The following ADAMTS20 variants were observed in gnomAD, a reference collection of about 807,000 sequenced individuals.
The protein encoded by ADAMTS20 is A disintegrin and metalloproteinase with thrombospondin motifs 20.
ADAMTS20 carries 225 observed loss-of-function variants against 260.1 expected under a neutral mutation model. The observed-to-expected ratio is 0.87, with a 90% CI of 0.78 to 0.97. The LOEUF (loss-of-function observed/expected upper bound fraction) is 0.97, where lower values mean the gene tolerates loss of function less well. Among genes scored for constraint, ADAMTS20 ranks in the 50% least tolerant of loss-of-function variants. ADAMTS20 has a pLI of 0.00. For synonymous variants in ADAMTS20, 802 were observed against 769.5 expected (o/e 1.04, Z -0.70); for missense variants, 2,400 against 2,337.7 (o/e 1.03, Z -0.55).
intron 28 of ADAMTS20, among the ~76,000 whole-genome samples, chr12:43,420,817 T>TTTTTTTTTG: frequency 7.7e-6 from 1 of 130,280 alleles, no homozygotes; most frequent in Non-Finnish European, 1.6e-5. Flanking sequence ...TTTTTTTTTT[T>TTTTTTTTTG]TTTTTTTTGA....
At chr12:43,359,073 A>G (rs1315718552) in intron 37 of ADAMTS20, among the ~76,000 whole-genome samples, 1 of 152,112 alleles carries the variant, frequency 6.6e-6, no homozygotes, top group Non-Finnish European at 1.5e-5. Context: ...CCATACATGC[A>G]TATGTAGTAT....
chr12:43,373,869 C>CG (rs1940163014), intron 36 of ADAMTS20, among the ~76,000 whole-genome samples: 1 of 151,054 alleles, frequency 6.6e-6, no homozygotes, highest in Admixed American at 6.6e-5. Flanking sequence ...TTAGTAGAGA[C>CG]GGGGTTTCAC....
Position 43,427,399 on chromosome 12 carries a change from GCACTTTGT to G in ADAMTS20, c.4008_4015del (p.Gln1337Ter), listed in dbSNP as rs1448461711. 12 of 1,613,762 alleles carry G rather than the reference GCACTTTGT, an allele frequency of 7.4e-6. No homozygotes were observed. Among genetic ancestry groups the G allele is most frequent in the African/African-American group, 2.7e-5 (2 of 74,906 alleles). On this transcript the variant is annotated frameshift_variant, in exon 27 of 39. Transcript: ENST00000389420. LOFTEE classifies it high-confidence loss of function. ...CTTGGAGGCTGCATCGCAGTAACTA[GCACTTTGT>G]CCATTTTCATCCTGGCAGACCACAG... is the stretch of plus-strand genomic sequence containing the variant.
Position 43,428,346 on chromosome 12 carries a change from A to G in ADAMTS20, c.3840T>C (p.Tyr1280=). Reference sequence around the variant, plus strand: ...GAGTTAATGGCAAATTCGTGCTTAGATAATAGCTTGGCTGCACAGGGGAAC... The same window carrying G: ...GAGTTAATGGCAAATTCGTGCTTAGGTAATAGCTTGGCTGCACAGGGGAAC... The part of the protein sequence containing the change: ...FPSSPVQPSY[Y]LSTNLPLTQK... Residue 1280 remains tyrosine (Y), a synonymous_variant, in exon 26 of 39, where the codon TAT becomes TAC. Coordinates refer to ENST00000389420, the MANE Select transcript of ADAMTS20 (RefSeq NM_025003.5). 3 of 1,613,952 alleles carry G rather than the reference A, an allele frequency of 1.9e-6. No individual in the cohort carries two copies. Among genetic ancestry groups the G allele is most frequent in the Non-Finnish European group, 2.5e-6 (3 of 1,179,882 alleles).
At chr12:43,440,106 C>G in intron 16 of ADAMTS20, 37 bp from the exon 17 acceptor site, 2 of 1,248,920 alleles carry the variant, frequency 1.6e-6, no homozygotes, top group Non-Finnish European at 2.2e-6. Context: ...GAAATAGTAA[C>G]ACCAATCAAC....
Position 43,466,662 on chromosome 12 carries a change from C to G in ADAMTS20, c.1357G>C (p.Glu453Gln), listed in dbSNP as rs145822482. Residue 453 changes from glutamate to glutamine, a missense_variant, in exon 9 of 39, where the codon GAA (glutamate) becomes CAA (glutamine). Coordinates refer to ENST00000389420, the MANE Select transcript of ADAMTS20 (RefSeq NM_025003.5). ...CATAAATTTACTTACTCTAGGAATT[C>G]AGTAACATATTTCCGACTACAGTTT... ...WSNCSRKYVT[E>Q]FLDTGYGECL... 2.5e-5 allele frequency: 40 copies of G among 1,606,652 alleles called. No individual in the cohort carries two copies. Among genetic ancestry groups the G allele is most frequent in the Non-Finnish European group, 2.8e-5 (33 of 1,177,208 alleles).
chr12:43,408,137 G>A (rs1032506130), intron 28 of ADAMTS20, among the ~76,000 whole-genome samples: 5 of 152,068 alleles, frequency 3.3e-5, no homozygotes, highest in African/African-American at 7.2e-5. Flanking sequence ...CCATTATTGT[G>A]AATTTACTTT....
intron 4 of ADAMTS20, among the ~76,000 whole-genome samples, chr12:43,494,578 T>A (rs918002490): frequency 6.6e-6 from 1 of 152,246 alleles, no homozygotes. Context: ...GTGATGACTT[T>A]GGCTCTGGTG....
intron 37 of ADAMTS20, among the ~76,000 whole-genome samples, chr12:43,357,750 G>A (rs919242682): frequency 6.6e-6 from 1 of 152,006 alleles, no homozygotes; most frequent in Non-Finnish European, 1.5e-5. Flanking sequence ...CCCAGAACAG[G>A]GCCTAAGTTC....
chr12:43,501,122 G>A (rs1345868023), intron 4 of ADAMTS20, among the ~76,000 whole-genome samples: 2 of 131,492 alleles, frequency 1.5e-5, no homozygotes, highest in African/African-American at 5.7e-5. Flanking sequence ...GCAATGGCAC[G>A]ATCTCGGCTC....
chr12:43,512,282 G>T (rs1012598657), intron 3 of ADAMTS20, among the ~76,000 whole-genome samples: 4 of 148,790 alleles, frequency 2.7e-5, no homozygotes, highest in Non-Finnish European at 4.5e-5. Flanking sequence ...ACTGCCTATT[G>T]TAATATAACT....
intron 7 of ADAMTS20, among the ~76,000 whole-genome samples, chr12:43,474,169 C>T (rs1942312150): frequency 6.8e-6 from 1 of 146,788 alleles, no homozygotes; most frequent in South Asian, 2.2e-4. Context: ...CACCACTGAT[C>T]CCACAGAAAT....
At chr12:43,470,655 C>T (rs1291388595) in intron 7 of ADAMTS20, among the ~76,000 whole-genome samples, 1 of 152,144 alleles carries the variant, frequency 6.6e-6, no homozygotes, top group Non-Finnish European at 1.5e-5. Flanking sequence ...ATACAGCCAC[C>T]CAATCTAGCC....
intron 16 of ADAMTS20, among the ~76,000 whole-genome samples, chr12:43,441,909 T>C (rs1172205700): frequency 6.6e-6 from 1 of 152,192 alleles, no homozygotes; most frequent in African/African-American, 2.4e-5. Flanking sequence ...CTAGTATAAC[T>C]GTCTTTATGT....
intron 6 of ADAMTS20, among the ~76,000 whole-genome samples, chr12:43,491,899 T>A (rs983868322): frequency 2.0e-5 from 3 of 152,298 alleles, no homozygotes; most frequent in Non-Finnish European, 4.4e-5. Flanking sequence ...ATTCTCTCAT[T>A]CTGTCACTAA....
chr12:43,453,844 C>T (rs1454828165), intron 12 of ADAMTS20, 63 bp downstream of exon 12: 1 of 1,535,920 alleles, frequency 6.5e-7, no homozygotes, highest in Non-Finnish European at 8.8e-7. Flanking sequence ...GTGAGTGAAA[C>T]TGATGTTTAC....
At chr12:43,515,186 A>C (rs910510140) in intron 3 of ADAMTS20, among the ~76,000 whole-genome samples, 4 of 152,240 alleles carry the variant, frequency 2.6e-5, no homozygotes, top group African/African-American at 9.6e-5. Flanking sequence ...AGATAATTTT[A>C]AGTACTAAGA....
rs1369669082 is a variant in ADAMTS20 at position 43,440,035 on chromosome 12, A to G, written c.2325T>C (p.Asn775=). The G allele has an allele frequency of 1.3e-6, 2 of 1,562,728 alleles. No homozygotes were observed. The highest frequency in any genetic ancestry group is 3.8e-5 in the Admixed American group (2 of 52,118). Residue 775 remains asparagine, a synonymous_variant, in exon 17 of 39, where the codon AAT becomes AAC. Coordinates refer to ENST00000389420, the MANE Select transcript of ADAMTS20 (RefSeq NM_025003.5). Reference sequence around the variant, plus strand: ...TTGACGTACTTAGAAGAAAATTTCCATTGAAAAGAAAATTCCCTTCAGCGT... The same window carrying G: ...TTGACGTACTTAGAAGAAAATTTCCGTTGAAAAGAAAATTCCCTTCAGCGT... The part of the protein sequence containing the change: ...LSDAEGNFLF[N]GNFLLSTSKK...
intron 31 of ADAMTS20, among the ~76,000 whole-genome samples, chr12:43,378,810 A>C (rs1043182570): frequency 1.3e-4 from 20 of 152,168 alleles, no homozygotes; most frequent in African/African-American, 4.6e-4. Flanking sequence ...ACATCTAAAA[A>C]TTCTCTCTTC....
Sources: gnomAD v4.1 joint callset for allele counts (sites outside exome capture counted in the v4.1 genomes callset) on GRCh38, gnomAD v4.1.1 for gene constraint, MANE v1.5 for transcripts, NCBI Gene and HGNC (gene_info 2026-07-23, HGNC 2026-07-21) for gene names.